Variants in DNAH11 observed in about 807,000 individuals in gnomAD.
DNAH11 encodes the protein dynein axonemal heavy chain 11.
DNAH11 carries 442 observed loss-of-function variants against 526.0 expected under a neutral mutation model. The ratio of observed to expected loss-of-function variants is 0.84; its 90% CI spans 0.78 to 0.91. DNAH11 has a LOEUF of 0.91. Ranked by LOEUF, DNAH11 falls within the 40% of genes least tolerant of loss-of-function variation. DNAH11 has a pLI of 0.00. For synonymous variants in DNAH11, 2,461 were observed against 1,935.9 expected (o/e 1.27, Z -7.12); for missense variants, 6,989 against 5,448.7 (o/e 1.28, Z -8.90).
intron 45 of DNAH11, among the ~76,000 whole-genome samples, chr7:21,732,587 T>C (rs1040645286): frequency 5.9e-5 from 9 of 152,272 alleles, no homozygotes; most frequent in South Asian, 2.1e-4. Flanking sequence ...GACTTCAACA[T>C]AGAAATTTGA....
At chr7:21,896,351 A>C (rs985922606) in intron 79 of DNAH11, among the ~76,000 whole-genome samples, 1 of 152,134 alleles carries the variant, frequency 6.6e-6, no homozygotes, top group African/African-American at 2.4e-5. Flanking sequence ...TTGATAGTTT[A>C]CTTATACGTA....
chr7:21,588,027 A>G lies in DNAH11; in HGVS notation c.1711-37A>G, dbSNP rs751069022. 2.1e-5 allele frequency: 34 copies of G among 1,602,900 alleles called. No homozygotes were observed. In the South Asian group the frequency reaches 3.2e-4, roughly 15 times the overall value. The stretch of plus-strand genomic sequence containing the variant: ...TGAGCTGAGTATTTGTTAAAAACTC[A>G]TAGTGCTTAATGTTGCCTTCACTTT... On this transcript the variant is annotated intron_variant, in intron 9 of 81. Coordinates refer to ENST00000409508, the MANE Select transcript of DNAH11 (RefSeq NM_001277115.2).
intron 43 of DNAH11, 76 bp from the exon 44 acceptor site, chr7:21,720,649 G>A (rs1342740672): frequency 4.9e-6 from 7 of 1,432,916 alleles, no homozygotes; most frequent in East Asian, 2.6e-5. Flanking sequence ...AGGATAAAGT[G>A]GAGTTGTAAA....
At chr7:21,880,924 AAGG>A (rs772457329) in intron 75 of DNAH11, 31 bp downstream of exon 75, 2 of 1,551,836 alleles carry the variant, frequency 1.3e-6, no homozygotes, top group East Asian at 2.3e-5. Flanking sequence ...AACCTCTTCC[AAGG>A]AGTTTACAAA....
chr7:21,812,666 A>G (rs972742827), intron 63 of DNAH11, among the ~76,000 whole-genome samples: 2 of 151,856 alleles, frequency 1.3e-5, no homozygotes, highest in East Asian at 3.9e-4. Flanking sequence ...AAAGAAAGAA[A>G]AGAGAGAGAG....
chr7:21,712,582 G>A (rs989353228), intron 42 of DNAH11, among the ~76,000 whole-genome samples: 1 of 152,154 alleles, frequency 6.6e-6, no homozygotes, highest in Non-Finnish European at 1.5e-5. Flanking sequence ...TGGGCATGAG[G>A]TGATACCTCA....
At chr7:21,604,833 G>T (rs73682650) in intron 18 of DNAH11, among the ~76,000 whole-genome samples, 2 of 152,144 alleles carry the variant, frequency 1.3e-5, no homozygotes, top group African/African-American at 2.4e-5. Flanking sequence ...GAATACTTAG[G>T]TTCCATGGAA....
intron 43 of DNAH11, among the ~76,000 whole-genome samples, 175 bp downstream of exon 43, chr7:21,718,100 A>G (rs918912300): frequency 5.3e-5 from 7 of 132,152 alleles, no homozygotes; most frequent in Middle Eastern, 6.0e-3. Context: ...ATCTTTTTGC[A>G]AACCTCTATC....
Position 21,590,918 on chromosome 7 carries a change from C to A in DNAH11, c.2170C>A (p.Leu724Ile). The change falls in exon 13 of 82, where the codon CTA becomes ATA. Residue 724 changes from leucine to isoleucine, a missense_variant and splice_region_variant. Transcript: ENST00000409508. ...AATTTTAATAATTGTATTTTAATAG[C>A]TAGTGGCTGTATTGAGAGAAGTGAA... ...GLLCVNFDPK[L>I]VAVLREVKYL... The A allele has an allele frequency of 1.4e-6, 2 of 1,427,234 alleles. No individual in the cohort carries two copies. The highest frequency in any genetic ancestry group is 1.7e-5 in the South Asian group (1 of 58,202). The allele number at this position is 1,427,234 out of a possible 1,614,324, so 88.4% of individuals were successfully genotyped here.
intron 44 of DNAH11, among the ~76,000 whole-genome samples, chr7:21,725,434 T>C (rs958819252): frequency 4.6e-5 from 7 of 152,216 alleles, no homozygotes; most frequent in Admixed American, 1.3e-4. Context: ...AGAGAAGCTA[T>C]AAGCTCAGAA....
intron 42 of DNAH11, among the ~76,000 whole-genome samples, chr7:21,713,686 G>A (rs543076530): frequency 6.6e-6 from 1 of 152,234 alleles, no homozygotes; most frequent in East Asian, 1.9e-4. Flanking sequence ...TTTCCTGCCA[G>A]ATGTCTAACT....
At chr7:21,821,603 A>G (rs189284036) in intron 65 of DNAH11, among the ~76,000 whole-genome samples, 130 of 152,170 alleles carry the variant, frequency 8.5e-4, no homozygotes, top group African/African-American at 2.8e-3. Flanking sequence ...AGTTGTACAT[A>G]TTTTGGGGGT....
intron 63 of DNAH11, among the ~76,000 whole-genome samples, chr7:21,816,212 A>T (rs542258577): frequency 6.6e-6 from 1 of 152,286 alleles, no homozygotes; most frequent in South Asian, 2.1e-4. Flanking sequence ...AGTCTCTCTC[A>T]GTTGAAGCCC....
chr7:21,765,336 T>G, intron 54 of DNAH11, 92 bp from the exon 55 acceptor site: 2 of 1,574,264 alleles, frequency 1.3e-6, no homozygotes, highest in Non-Finnish European at 1.7e-6. Flanking sequence ...CACAGTTGGC[T>G]GCACTCCTTT....
intron 77 of DNAH11, among the ~76,000 whole-genome samples, chr7:21,894,148 C>G (rs962292369): frequency 1.3e-5 from 2 of 152,304 alleles, no homozygotes; most frequent in East Asian, 3.9e-4. Flanking sequence ...CCTGGCCTCC[C>G]AAAGTGCTGG....
chr7:21,879,816 G>A (rs1783847539), intron 74 of DNAH11, among the ~76,000 whole-genome samples: 1 of 152,102 alleles, frequency 6.6e-6, no homozygotes, highest in Admixed American at 6.5e-5. Flanking sequence ...TGGGCCCCGC[G>A]GCTCGTGCCT....
At chr7:21,858,208 AAGTTTCAG>A (rs755583284) in intron 68 of DNAH11, among the ~76,000 whole-genome samples, 18 of 152,204 alleles carry the variant, frequency 1.2e-4, no homozygotes, top group Non-Finnish European at 2.5e-4. Context: ...AGAATGGCTA[AAGTTTCAG>A]AAGACTCTTA....
Position 21,894,881 on chromosome 7 carries a change from A to G in DNAH11, c.12934-3A>G. The G allele has an allele frequency of 6.2e-7, 1 of 1,613,798 alleles. No individual in the cohort carries two copies. Among genetic ancestry groups the G allele is most frequent in the Non-Finnish European group, 8.5e-7 (1 of 1,179,800 alleles). ...ACTGTGTGGCTTTTTTTCTCCATGC[A>G]AGGGGGAATTGGCATTATCTCCTGC... On this transcript the variant is annotated splice_polypyrimidine_tract_variant and splice_region_variant and intron_variant, in intron 78 of 81. Coordinates refer to ENST00000409508, the MANE Select transcript of DNAH11 (RefSeq NM_001277115.2).
At chr7:21,588,366 C>T in intron 10 of DNAH11, 146 bp from the exon 11 acceptor site, 2 of 1,315,998 alleles carry the variant, frequency 1.5e-6, no homozygotes, top group Non-Finnish European at 2.1e-6. Flanking sequence ...TGCTTTAGGA[C>T]TGTAACTCTT....
Sources: allele counts gnomAD v4.1 joint callset (sites outside exome capture counted in the v4.1 genomes callset), GRCh38; gene constraint gnomAD v4.1.1; transcripts MANE v1.5; gene names NCBI Gene and HGNC (gene_info 2026-07-23, HGNC 2026-07-21).